Variants in RAMP1 observed in about 807,000 individuals in gnomAD.
The protein encoded by RAMP1 is receptor activity-modifying protein 1.
In RAMP1, 7 loss-of-function variants were observed where a neutral mutation model predicts 8.2. The observed-to-expected ratio is 0.85, with a 90% CI of 0.49 to 1.60. The LOEUF (loss-of-function observed/expected upper bound fraction) is 1.60, where lower values mean the gene tolerates loss of function less well. Ranked by LOEUF, RAMP1 falls within the 40% of genes most tolerant of loss-of-function variation. The pLI is 0.00. For synonymous variants in RAMP1, 92 were observed against 84.7 expected (o/e 1.09, Z -0.47); for missense variants, 192 against 202.4 (o/e 0.95, Z 0.31).
intron 1 of RAMP1, among the ~76,000 whole-genome samples, chr2:237,864,404 T>C (rs3769042): frequency 0.24 from 36,411 of 152,114 alleles, 5,016 homozygotes; most frequent in African/African-American, 0.39. Context: ...GCCTCTTCAA[T>C]GGACACTTGG....
At chr2:237,886,211 G>A (rs1249899025) in intron 2 of RAMP1, among the ~76,000 whole-genome samples, 6 of 152,328 alleles carry the variant, frequency 3.9e-5, no homozygotes, top group Non-Finnish European at 8.8e-5. Flanking sequence ...TGCCCAGGCC[G>A]CCCCACGGGG....
rs534877854 is a variant in RAMP1, at chr2:237,877,549, C to T, written c.191+187C>T. Reference sequence around the variant, plus strand: ...AGTAGCAGGTGGACGTGAAGAGTGACGGTGGGAGGAGGCCACGTCCTCAAT... The same window carrying T: ...AGTAGCAGGTGGACGTGAAGAGTGATGGTGGGAGGAGGCCACGTCCTCAAT... On this transcript the variant is annotated intron_variant, in intron 2 of 2. Coordinates refer to ENST00000254661, the MANE Select transcript of RAMP1 (RefSeq NM_005855.4). The surrounding 1 kb of genome is among the most constrained non-coding windows in gnomAD (Gnocchi z 4.4). 1.2e-4 allele frequency among the ~76,000 whole-genome samples: 18 copies of T among 152,200 alleles called. No individual in the cohort carries two copies. Among genetic ancestry groups the T allele is most frequent in the South Asian group, 8.3e-4 (4 of 4,814 alleles).
At chr2:237,864,210 C>T (rs1347843147) in intron 1 of RAMP1, among the ~76,000 whole-genome samples, 2 of 152,164 alleles carry the variant, frequency 1.3e-5, no homozygotes, top group African/African-American at 4.8e-5. Context: ...GGAAGCCCTG[C>T]CCCCTGTTCT....
intron 1 of RAMP1, among the ~76,000 whole-genome samples, chr2:237,863,919 C>G (rs1377659944): frequency 6.6e-6 from 1 of 152,108 alleles, no homozygotes; most frequent in Non-Finnish European, 1.5e-5. Context: ...TCAGCACCAC[C>G]TCCACCCCTC....
chr2:237,907,086 C>T (rs1283100259), intron 2 of RAMP1, among the ~76,000 whole-genome samples: 1 of 152,148 alleles, frequency 6.6e-6, no homozygotes, highest in Non-Finnish European at 1.5e-5. Context: ...AAATGTGTTT[C>T]CCCTCCCCGC....
At chr2:237,870,263 C>T (rs1054906969) in intron 1 of RAMP1, among the ~76,000 whole-genome samples, 4 of 152,202 alleles carry the variant, frequency 2.6e-5, no homozygotes, top group African/African-American at 7.2e-5. Flanking sequence ...GGGCCTGCCC[C>T]GAGGGCCTGG....
At chr2:237,887,898 A>G (rs302674) in intron 2 of RAMP1, among the ~76,000 whole-genome samples, 97,378 of 152,092 alleles carry the variant, frequency 0.64, 31,377 homozygotes, top group Non-Finnish European at 0.67. Context: ...CCAGGTGACA[A>G]AGTGAGACCT....
At chr2:237,866,350 T>G (rs2062187025) in intron 1 of RAMP1, among the ~76,000 whole-genome samples, 1 of 152,124 alleles carries the variant, frequency 6.6e-6, no homozygotes, top group Non-Finnish European at 1.5e-5. Context: ...CCTGTGCCTG[T>G]TTTTTATTTT....
At chr2:237,864,161 G>T (rs901586038) in intron 1 of RAMP1, among the ~76,000 whole-genome samples, 28 of 127,012 alleles carry the variant, frequency 2.2e-4, no homozygotes, top group African/African-American at 1.0e-3. Context: ...CCCGTGGCCT[G>T]GGCCAGCTCA....
At chr2:237,897,762 T>G (rs2062555484) in intron 2 of RAMP1, among the ~76,000 whole-genome samples, 1 of 101,426 alleles carries the variant, frequency 9.9e-6, no homozygotes. Context: ...TCTTTTTTTG[T>G]TTGTTTTGGT....
chr2:237,890,341 A>G (rs1400332296), intron 2 of RAMP1, among the ~76,000 whole-genome samples: 9 of 151,910 alleles, frequency 5.9e-5, no homozygotes, highest in Non-Finnish European at 1.2e-4. Flanking sequence ...AGCTGGGACT[A>G]CAGGCACTCA....
At position 237,896,098 on chromosome 2, in the gene RAMP1, G is replaced by T. The variant is rs368187170; in HGVS notation, c.192-15430G>T. ...TTCCCTGATCCTCGGACCCTGGGAC[G>T]CAATGCAACCCCTGCTCAGGCCCAG... On this transcript the variant is annotated intron_variant, in intron 2 of 2. Coordinates refer to ENST00000254661, the MANE Select transcript of RAMP1 (RefSeq NM_005855.4). Among the ~76,000 whole-genome samples the T allele has an allele frequency of 3.9e-4, 60 of 152,328 alleles. 1 individual carries two copies. The South Asian group carries it at 0.012, about 31-fold the overall frequency.
At chr2:237,899,370 C>T (rs1022196913) in intron 2 of RAMP1, among the ~76,000 whole-genome samples, 6 of 152,144 alleles carry the variant, frequency 3.9e-5, no homozygotes, top group Non-Finnish European at 7.3e-5. Context: ...TGCACCTGGC[C>T]GAGAGAGAGA....
intron 1 of RAMP1, among the ~76,000 whole-genome samples, chr2:237,875,433 G>A (rs1408840875): frequency 6.7e-6 from 1 of 149,440 alleles, no homozygotes; most frequent in African/African-American, 2.6e-5. Flanking sequence ...AGAGGCAGAT[G>A]CAGCTCCCTC....
intron 2 of RAMP1, among the ~76,000 whole-genome samples, chr2:237,899,071 G>T (rs2062572281): frequency 1.5e-5 from 1 of 64,768 alleles, no homozygotes; most frequent in Non-Finnish European, 3.3e-5. Context: ...TTGAGACAGT[G>T]ATTTTTTTTT....
At chr2:237,911,065 C>T (rs930975963) in intron 2 of RAMP1, among the ~76,000 whole-genome samples, 17 of 152,066 alleles carry the variant, frequency 1.1e-4, no homozygotes, top group African/African-American at 4.1e-4. Context: ...CACACACAGT[C>T]GCACACAGAA....
intron 1 of RAMP1, 173 bp downstream of exon 1, chr2:237,859,900 C>T (rs1461483212): frequency 3.0e-5 from 18 of 592,650 alleles, no homozygotes; most frequent in Non-Finnish European, 3.7e-5. Flanking sequence ...GCGGGAGGCC[C>T]CAGGGCACAG....
chr2:237,859,831 G>A (rs1242590315), intron 1 of RAMP1, 104 bp downstream of exon 1: 9 of 1,087,752 alleles, frequency 8.3e-6, no homozygotes, highest in South Asian at 2.5e-5. Context: ...AGCGGGTGGG[G>A]GCGGGCGCCG....
At chr2:237,906,741 T>TA (rs1553740197) in intron 2 of RAMP1, among the ~76,000 whole-genome samples, 5 of 148,296 alleles carry the variant, frequency 3.4e-5, no homozygotes, top group East Asian at 2.0e-4. Context: ...TTTTTTTTTT[T>TA]AAAGACAGTC....
Sources: allele counts gnomAD v4.1 joint callset (sites outside exome capture counted in the v4.1 genomes callset), GRCh38; gene constraint gnomAD v4.1.1; non-coding constraint Gnocchi (gnomAD v3.1); transcripts MANE v1.5; gene names NCBI Gene and HGNC (gene_info 2026-07-23, HGNC 2026-07-21).